SPTBN1: variants seen among roughly 807,000 people sequenced by gnomAD.
SPTBN1 encodes spectrin beta, non-erythrocytic 1.
SPTBN1 carries 32 observed loss-of-function variants against 266.4 expected under a neutral mutation model. The observed-to-expected ratio is 0.12, with a 90% CI of 0.09 to 0.16. The LOEUF is 0.16. Ranked by LOEUF, SPTBN1 falls within the 10% of genes least tolerant of loss-of-function variation. The pLI, the probability that SPTBN1 is intolerant of heterozygous loss-of-function variation, is 1.00. For synonymous variants in SPTBN1, 1,336 were observed against 1,162.2 expected (o/e 1.15, Z -3.04); for missense variants, 2,296 against 3,067.1 (o/e 0.75, Z 5.94).
At chr2:54,499,524 C>G (rs1258422344) in intron 1 of SPTBN1, among the ~76,000 whole-genome samples, 1 of 152,132 alleles carries the variant, frequency 6.6e-6, no homozygotes, top group Non-Finnish European at 1.5e-5. Flanking sequence ...AAACGTGGAG[C>G]CAAGGGGAGA....
At chr2:54,643,174 G>T (rs917210226) in intron 19 of SPTBN1, 45 bp downstream of exon 19, 1 of 1,609,154 alleles carries the variant, frequency 6.2e-7, no homozygotes, top group Non-Finnish European at 8.5e-7. Context: ...AAACAAACAG[G>T]GTAGTAATAA....
intron 1 of SPTBN1, among the ~76,000 whole-genome samples, chr2:54,472,022 GTTT>G (rs768988675): frequency 7.2e-4 from 48 of 66,796 alleles, no homozygotes; most frequent in South Asian, 7.1e-3. Flanking sequence ...CCCTGAAGAT[GTTT>G]TTTTTTTTTT....
chr2:54,457,675 G>C (rs1693131638), intron 1 of SPTBN1, among the ~76,000 whole-genome samples: 1 of 152,176 alleles, frequency 6.6e-6, no homozygotes, highest in South Asian at 2.1e-4. Context: ...TGGCACGGCC[G>C]CTCGGCGCCT....
At chr2:54,644,164 CGTT>C (rs1202928866) in intron 19 of SPTBN1, among the ~76,000 whole-genome samples, 156 bp from the exon 20 acceptor site, 6 of 152,024 alleles carry the variant, frequency 3.9e-5, no homozygotes, top group African/African-American at 1.5e-4. Flanking sequence ...ACCTAGGGGT[CGTT>C]GTTGATTTTA....
rs747936694 is a variant in SPTBN1 at position 54,665,895 on chromosome 2, CT to C, written c.6660-12del. ...GGTAGAGCCTTTATCTCCCCCTGCC[CT>C]TTTTTTTAAACTGCACAGGTCCTGG... On this transcript the variant is annotated intron_variant, in intron 33 of 35. Coordinates refer to ENST00000356805, the MANE Select transcript of SPTBN1 (RefSeq NM_003128.3). 1.6e-5 allele frequency: 26 copies of C among 1,593,142 alleles called. No homozygotes were observed. The highest frequency in any genetic ancestry group is 2.3e-5 in the South Asian group (2 of 87,352).
intron 1 of SPTBN1, among the ~76,000 whole-genome samples, chr2:54,473,924 CAT>C (rs1354030136): frequency 6.6e-6 from 1 of 152,194 alleles, no homozygotes; most frequent in Non-Finnish European, 1.5e-5. Flanking sequence ...ATATTCCAGA[CAT>C]AAAAAATCTA....
In SPTBN1 at chr2:54,532,951, C is replaced by T. The variant is rs139121781; in HGVS notation, c.148+6385C>T. 3.3e-5 allele frequency among the ~76,000 whole-genome samples: 5 copies of T among 152,226 alleles called. No individual in the cohort carries two copies. In the East Asian group the frequency reaches 5.8e-4, roughly 18 times the overall value. The stretch of plus-strand genomic sequence containing the variant: ...GATTCATTCTTAACATAGACCTTAT[C>T]ATTATAGGATTTTTTTTTCTTTTCT... On this transcript the variant is annotated intron_variant, in intron 2 of 35. Coordinates refer to ENST00000356805, the MANE Select transcript of SPTBN1 (RefSeq NM_003128.3).
intron 1 of SPTBN1, among the ~76,000 whole-genome samples, chr2:54,458,831 T>A (rs1693208292): frequency 6.6e-6 from 1 of 152,252 alleles, no homozygotes; most frequent in Admixed American, 6.5e-5. Flanking sequence ...AAGGTCAGTG[T>A]TTACAAGCCA....
chr2:54,555,734 C>T (rs1431189215), intron 2 of SPTBN1, among the ~76,000 whole-genome samples: 1 of 152,178 alleles, frequency 6.6e-6, no homozygotes, highest in Non-Finnish European at 1.5e-5. Context: ...TCCTTATCCT[C>T]CAGCCAAACT....
intron 24 of SPTBN1, among the ~76,000 whole-genome samples, chr2:54,648,743 A>G (rs951958518): frequency 1.3e-5 from 2 of 152,168 alleles, no homozygotes; most frequent in Admixed American, 1.3e-4. Context: ...CCCTAGTGTA[A>G]TAGTAGGGAT....
intron 8 of SPTBN1, 60 bp from the exon 9 acceptor site, chr2:54,622,240 A>G: frequency 6.4e-7 from 1 of 1,570,744 alleles, no homozygotes; most frequent in Non-Finnish European, 8.7e-7. Flanking sequence ...ATAGGGTTAC[A>G]ATCGTATTTA....
intron 1 of SPTBN1, among the ~76,000 whole-genome samples, chr2:54,494,206 G>T (rs1329616613): frequency 6.6e-6 from 1 of 152,326 alleles, no homozygotes; most frequent in East Asian, 1.9e-4. Flanking sequence ...TACAGAGGAT[G>T]ATTATTCACA....
rs774409383 is a variant in SPTBN1 at position 54,571,425 on chromosome 2, G to A, written c.149-27667G>A. ...TGACGAGTTCACCGTTTGCCAGGGAGTTTTCCGGTTTTAGTGCCAAACATT... is the reference window on the plus strand; with the variant it reads ...TGACGAGTTCACCGTTTGCCAGGGAATTTTCCGGTTTTAGTGCCAAACATT... On this transcript the variant is annotated intron_variant, in intron 2 of 35. Transcript: ENST00000356805. 5.1e-4 allele frequency among the ~76,000 whole-genome samples: 78 copies of A among 152,190 alleles called. No homozygotes were observed. The Middle Eastern group carries it at 0.014, about 27-fold the overall frequency.
At chr2:54,501,816 A>T (rs951450112) in intron 1 of SPTBN1, among the ~76,000 whole-genome samples, 3 of 152,204 alleles carry the variant, frequency 2.0e-5, no homozygotes, top group African/African-American at 7.2e-5. Flanking sequence ...GACAGTGCAA[A>T]GGTGGGGGAC....
At chr2:54,623,110 A>G (rs565990257) in intron 9 of SPTBN1, among the ~76,000 whole-genome samples, 2 of 152,186 alleles carry the variant, frequency 1.3e-5, no homozygotes, top group African/African-American at 4.8e-5. Context: ...TATCTTGGTA[A>G]GGTCTCTAAA....
At chr2:54,666,131 T>C in intron 34 of SPTBN1, 43 bp downstream of exon 34, 1 of 1,571,116 alleles carries the variant, frequency 6.4e-7, no homozygotes, top group Non-Finnish European at 8.6e-7. Context: ...TGGGTTTGCA[T>C]TTACTTCCAC....
At chr2:54,494,161 A>G (rs951861010) in intron 1 of SPTBN1, among the ~76,000 whole-genome samples, 4 of 147,816 alleles carry the variant, frequency 2.7e-5, no homozygotes, top group African/African-American at 1.1e-4. Context: ...GACATGACTT[A>G]CTTGAGAAAT....
At chr2:54,657,276 C>T (rs764548713) in intron 29 of SPTBN1, among the ~76,000 whole-genome samples, 1 of 152,198 alleles carries the variant, frequency 6.6e-6, no homozygotes, top group African/African-American at 2.4e-5. Flanking sequence ...AAATAAAACA[C>T]ACAACTACCG....
intron 1 of SPTBN1, among the ~76,000 whole-genome samples, chr2:54,476,014 A>T (rs1165431674): frequency 2.0e-5 from 3 of 151,642 alleles, no homozygotes; most frequent in Non-Finnish European, 2.9e-5. Context: ...TTATTTTGTC[A>T]CTTCTGGTCA....
Sources: allele counts gnomAD v4.1 joint callset (sites outside exome capture counted in the v4.1 genomes callset), GRCh38; gene constraint gnomAD v4.1.1; transcripts MANE v1.5; gene names NCBI Gene and HGNC (gene_info 2026-07-23, HGNC 2026-07-21).